Variants in EHBP1L1 observed in about 807,000 individuals in gnomAD.
The protein encoded by EHBP1L1 is EH domain-binding protein 1-like protein 1.
A neutral mutation model predicts 151.1 loss-of-function variants in EHBP1L1; 122 were observed. That is an observed-to-expected ratio of 0.81 (90% CI 0.70 to 0.94). The LOEUF (loss-of-function observed/expected upper bound fraction) is 0.94. Ranked by LOEUF, EHBP1L1 falls within the 40% of genes least tolerant of loss-of-function variation. EHBP1L1 has a pLI of 0.00. For missense variants in EHBP1L1, 1,941 were observed against 1,959.8 expected (o/e 0.99, Z 0.18); for synonymous variants, 878 against 810.1 (o/e 1.08, Z -1.42).
Position 65,585,539 on chromosome 11 carries a change from G to C in EHBP1L1, c.3881G>C (p.Ser1294Thr), listed in dbSNP as rs938382594. Residue 1294 changes from serine to threonine, a missense_variant, in exon 12 of 19, where the codon AGC becomes ACC. By Grantham distance (58) the Ser-to-Thr change is moderately conservative (BLOSUM62 1). Coordinates refer to ENST00000309295, the MANE Select transcript of EHBP1L1 (RefSeq NM_001099409.3). The surrounding 1 kb of genome is among the most constrained non-coding windows in gnomAD (Gnocchi z 4.0). The stretch of plus-strand genomic sequence containing the variant: ...AGGCGCTCGCGGCTGCGGAACAGCA[G>C]CTCGTTCTCGATGGACGATCCGGAC... ...KKRRSRLRNS[S>T]SFSMDDPDAG... 1.3e-6 allele frequency: 2 copies of C among 1,578,194 alleles called. No individual in the cohort carries two copies. Among genetic ancestry groups the C allele is most frequent in the East Asian group, 4.6e-5 (2 of 43,214 alleles).
At position 65,583,268 on chromosome 11, in the gene EHBP1L1, A is replaced by G; in HGVS notation, c.2596A>G (p.Thr866Ala). 1 of 1,613,478 alleles carries G rather than the reference A, an allele frequency of 6.2e-7. No individual in the cohort carries two copies. Among genetic ancestry groups the G allele is most frequent in the Non-Finnish European group, 8.5e-7 (1 of 1,179,790 alleles). Reference protein sequence around the residue: ...AGMAEARVLMTRKTEIIVPEA... With the variant: ...AGMAEARVLMARKTEIIVPEA... ...AATGGCAGAGGCCCGAGTACTGATG[A>G]CCCGTAAGACAGAAATTATAGTTCC... Residue 866 changes from threonine (T) to alanine (A), a missense_variant, in exon 9 of 19, where the codon ACC (threonine) becomes GCC (alanine). Transcript: ENST00000309295.
intron 12 of EHBP1L1, among the ~76,000 whole-genome samples, chr11:65,589,482 G>A (rs1023992165): frequency 6.6e-6 from 1 of 152,164 alleles, no homozygotes; most frequent in Non-Finnish European, 1.5e-5. Flanking sequence ...CCCAGGAGGG[G>A]AATTGGGAGG....
intron 9 of EHBP1L1, 194 bp from the exon 10 acceptor site, chr11:65,584,047 C>T: frequency 7.0e-7 from 1 of 1,420,138 alleles, no homozygotes; most frequent in African/African-American, 1.4e-5. Context: ...GGCCACTGAC[C>T]TTTTAGGTGA....
chr11:65,586,527 G>A (rs1426793091), intron 12 of EHBP1L1, among the ~76,000 whole-genome samples: 1 of 152,240 alleles, frequency 6.6e-6, no homozygotes, highest in African/African-American at 2.4e-5. Context: ...TTTTTCCCAG[G>A]TGAAAAATGA....
intron 16 of EHBP1L1, 43 bp downstream of exon 16, chr11:65,590,635 C>T (rs1415235062): frequency 1.9e-6 from 3 of 1,568,634 alleles, no homozygotes; most frequent in Non-Finnish European, 2.6e-6. Flanking sequence ...GGACTCTTAG[C>T]TACTTTGGTT....
Position 65,579,011 on chromosome 11 carries a change from A to T in EHBP1L1, c.105-67A>T. 2.8e-6 allele frequency: 4 copies of T among 1,449,082 alleles called. No individual in the cohort carries two copies. The South Asian group carries it at 4.9e-5, about 18-fold the overall frequency. 89.8% of individuals were successfully genotyped at this position (1,449,082 alleles called of 1,614,324 possible). A position where few individuals can be genotyped will look rare whatever the true frequency, so the allele number is the denominator to read the frequency against. On this transcript the variant is annotated intron_variant, in intron 1 of 18. Coordinates refer to ENST00000309295, the MANE Select transcript of EHBP1L1 (RefSeq NM_001099409.3). Reference sequence around the variant, plus strand: ...GGAGCTGGGGGAGGAGGAAGAGGAGATGGGGAGGCAGGTGAGCCTGACCAA... The same window carrying T: ...GGAGCTGGGGGAGGAGGAAGAGGAGTTGGGGAGGCAGGTGAGCCTGACCAA...
At chr11:65,590,384 C>T in intron 15 of EHBP1L1, 109 bp from the exon 16 acceptor site, 1 of 1,504,680 alleles carries the variant, frequency 6.6e-7, no homozygotes, top group Non-Finnish European at 9.0e-7. Flanking sequence ...GCACACAGTT[C>T]TGGCTTCTGG....
rs751074509 is a variant in EHBP1L1, at chr11:65,584,403, G to A, written c.3251+5G>A. Reference sequence around the variant, plus strand: ...CCGATTCTACCCAGACAAGATGTGAGCTGCCAGAGGGGTGGGAACGAATGG... The same window carrying A: ...CCGATTCTACCCAGACAAGATGTGAACTGCCAGAGGGGTGGGAACGAATGG... On this transcript the variant is annotated splice_donor_5th_base_variant and intron_variant, in intron 10 of 18. Coordinates refer to ENST00000309295, the MANE Select transcript of EHBP1L1 (RefSeq NM_001099409.3). The A allele has an allele frequency of 6.8e-6, 11 of 1,613,296 alleles. No individual in the cohort carries two copies. Among genetic ancestry groups the A allele is most frequent in the East Asian group, 2.2e-5 (1 of 44,868 alleles).
At chr11:65,584,025 A>G (rs933453979) in intron 9 of EHBP1L1, 1 of 1,409,974 alleles carries the variant, frequency 7.1e-7, no homozygotes, top group Admixed American at 3.2e-5. Context: ...GTGACCTCTG[A>G]TCTTGTCTGG....
At chr11:65,580,288 T>C in intron 5 of EHBP1L1, 29 bp downstream of exon 5, 16 of 1,613,250 alleles carry the variant, frequency 9.9e-6, no homozygotes, top group Non-Finnish European at 1.3e-5. Flanking sequence ...TCCTTGATCC[T>C]GGCCTGTGAC....
At position 65,580,100 on chromosome 11, in the gene EHBP1L1, A is replaced by C; in HGVS notation, c.332A>C (p.Lys111Thr). ...CCACAGGAGTCTAAGGGGCAGCGGA[A>C]GGTGCTGGCCACGGCCGAGGTGGAC... ...IIENESKGQR[K>T]VLATAEVDLA... is the part of the protein sequence containing the mutation. Residue 111 changes from lysine to threonine, a missense_variant, in exon 5 of 19, where the codon AAG (lysine) becomes ACG (threonine). Lys to Thr is a moderately conservative substitution (Grantham distance 78, BLOSUM62 -1). Coordinates refer to ENST00000309295, the MANE Select transcript of EHBP1L1 (RefSeq NM_001099409.3). 1 of 1,613,178 alleles carries C rather than the reference A, an allele frequency of 6.2e-7. No individual in the cohort carries two copies. Among genetic ancestry groups the C allele is most frequent in the East Asian group, 2.2e-5 (1 of 44,848 alleles).
chr11:65,576,968 G>A (rs552989317), intron 1 of EHBP1L1, among the ~76,000 whole-genome samples: 14 of 151,330 alleles, frequency 9.3e-5, no homozygotes, highest in Non-Finnish European at 8.9e-5. Flanking sequence ...GAGGATTGAG[G>A]AGGGAGGCGG....
At position 65,592,284 on chromosome 11, in the gene EHBP1L1, G is replaced by A. The variant is rs535346331; in HGVS notation, c.4554G>A (p.Glu1518=). The change falls in exon 19 of 19, where the codon GAG becomes GAA. Residue 1518 remains glutamate (E), a synonymous_variant. Transcript: ENST00000309295. Reference sequence around the variant, plus strand: ...TGAGCCGGCAGTTGAGCCGGCGGGAGCGCTGCGTGCTGAGCTGAGGCCGCC... The same window carrying A: ...TGAGCCGGCAGTTGAGCCGGCGGGAACGCTGCGTGCTGAGCTGAGGCCGCC... ...RKLSRQLSRR[E]RCVLS is the part of the protein sequence containing the mutation. 1 of 1,529,136 alleles carries A rather than the reference G, an allele frequency of 6.5e-7. No individual in the cohort carries two copies. The highest frequency in any genetic ancestry group is 2.0e-5 in the Admixed American group (1 of 50,552). The allele number at this position is 1,529,136 out of a possible 1,614,324, so 94.7% of individuals were successfully genotyped here.
At chr11:65,591,388 G>C in intron 16 of EHBP1L1, 2 of 288,978 alleles carry the variant, frequency 6.9e-6, no homozygotes, top group South Asian at 3.3e-5. Context: ...CAGAAGCCCA[G>C]AGAGATCTGA....
chr11:65,583,876 G>C, intron 9 of EHBP1L1, 111 bp downstream of exon 9: 1 of 1,425,058 alleles, frequency 7.0e-7, no homozygotes, highest in Non-Finnish European at 9.1e-7. Flanking sequence ...GGGTGGGGTG[G>C]GGGGCTCAGC....
Position 65,592,359 on chromosome 11 carries a change from C to T in EHBP1L1, c.*57C>T, listed in dbSNP as rs11542238. ...GCGTCCCCGGCGTCCGCCGCCGCCC[C>T]GGGCCTGCGCTGCGGACGACCCGGC... On this transcript the variant is annotated 3_prime_UTR_variant, in exon 19 of 19. Transcript: ENST00000309295. 8.1e-7 allele frequency: 1 copy of T among 1,240,398 alleles called. No individual in the cohort carries two copies. Among genetic ancestry groups the T allele is most frequent in the Non-Finnish European group, 1.0e-6 (1 of 984,994 alleles). 76.8% of individuals were successfully genotyped at this position (1,240,398 alleles called of 1,614,324 possible). A position where few individuals can be genotyped will look rare whatever the true frequency, so the allele number is the denominator to read the frequency against.
intron 14 of EHBP1L1, 34 bp from the exon 15 acceptor site, chr11:65,590,053 A>C (rs747521719): frequency 9.9e-6 from 16 of 1,613,228 alleles, no homozygotes; most frequent in African/African-American, 1.3e-5. Context: ...GCCTGGGCTG[A>C]GTCCACCCTG....
Position 65,585,932 on chromosome 11 carries a change from C to T in EHBP1L1, c.3933+341C>T, listed in dbSNP as rs991074715. Among the ~76,000 whole-genome samples the T allele has an allele frequency of 2.6e-5, 4 of 152,172 alleles. No homozygotes were observed. Among genetic ancestry groups the T allele is most frequent in the Non-Finnish European group, 4.4e-5 (3 of 68,004 alleles). ...TGTGGGGAATCAGGCTGCAGAAGTT[C>T]CCGGAGCATCCACGTTCCTGGCACT... On this transcript the variant is annotated intron_variant, in intron 12 of 18. Coordinates refer to ENST00000309295, the MANE Select transcript of EHBP1L1 (RefSeq NM_001099409.3). This position sits in a 1 kb window ranked among gnomAD's most constrained non-coding sequence, Gnocchi z 4.0.
intron 12 of EHBP1L1, among the ~76,000 whole-genome samples, chr11:65,586,701 T>G (rs1485958556): frequency 6.6e-6 from 1 of 152,160 alleles, no homozygotes; most frequent in Non-Finnish European, 1.5e-5. Context: ...GCACAAGCAT[T>G]GAGCCTGTGA....
Sources: gnomAD v4.1 joint callset for allele counts (sites outside exome capture counted in the v4.1 genomes callset) on GRCh38, gnomAD v4.1.1 for gene constraint, Gnocchi (gnomAD v3.1) non-coding constraint, MANE v1.5 for transcripts, NCBI Gene and HGNC (gene_info 2026-07-23, HGNC 2026-07-21) for gene names.